DYM: variants seen among roughly 807,000 people sequenced by gnomAD.
DYM encodes the protein dymeclin.
In DYM, 78 loss-of-function variants were observed where a neutral mutation model predicts 93.1. That is an observed-to-expected ratio of 0.84 (90% CI 0.70 to 1.01). The LOEUF is 1.01. Ranked by LOEUF, DYM falls within the 50% of genes least tolerant of loss-of-function variation. The probability of loss-of-function intolerance (pLI) is 0.00; values close to 1 mark genes in which losing one functional copy is unlikely to be tolerated. For synonymous variants in DYM, 321 were observed against 319.7 expected (o/e 1.00, Z -0.04); for missense variants, 789 against 845.0 (o/e 0.93, Z 0.82).
intron 2 of DYM, among the ~76,000 whole-genome samples, chr18:49,428,246 T>C (rs2074480411): frequency 6.6e-6 from 1 of 150,414 alleles, no homozygotes; most frequent in Non-Finnish European, 1.5e-5. Context: ...AGCCCAGGAG[T>C]TCAAGACCAG....
intron 9 of DYM, among the ~76,000 whole-genome samples, chr18:49,285,801 A>G (rs2095109084): frequency 6.6e-6 from 1 of 152,264 alleles, no homozygotes. Flanking sequence ...ATACTGGTTC[A>G]ACATGAAGCC....
intron 6 of DYM, among the ~76,000 whole-genome samples, chr18:49,341,649 G>C (rs946369748): frequency 6.6e-6 from 1 of 152,018 alleles, no homozygotes; most frequent in East Asian, 1.9e-4. Flanking sequence ...CAAGCACATG[G>C]AGTTTCATTC....
chr18:49,214,406 T>G (rs1234687649), intron 13 of DYM, among the ~76,000 whole-genome samples: 1 of 152,170 alleles, frequency 6.6e-6, no homozygotes, highest in Non-Finnish European at 1.5e-5. Flanking sequence ...TGATCTGATC[T>G]GAAGTGGAAC....
At chr18:49,213,598 G>C (rs544935197) in intron 13 of DYM, among the ~76,000 whole-genome samples, 6 of 152,134 alleles carry the variant, frequency 3.9e-5, no homozygotes, top group East Asian at 1.9e-4. Context: ...TTACAGGCAC[G>C]AGCCACAGTG....
intron 17 of DYM, among the ~76,000 whole-genome samples, chr18:49,070,122 A>G (rs775298963): frequency 2.6e-4 from 39 of 152,228 alleles, no homozygotes; most frequent in South Asian, 8.3e-4. Flanking sequence ...TTAATAAAGT[A>G]CAAGACAAGA....
At chr18:49,342,575 A>C (rs926494407) in intron 6 of DYM, among the ~76,000 whole-genome samples, 1 of 152,140 alleles carries the variant, frequency 6.6e-6, no homozygotes, top group African/African-American at 2.4e-5. Context: ...TAAAAATATT[A>C]CTCATTGTTA....
chr18:49,448,271 T>C (rs985750367), intron 1 of DYM, among the ~76,000 whole-genome samples: 9 of 152,176 alleles, frequency 5.9e-5, no homozygotes, highest in Admixed American at 1.3e-4. Context: ...TATTCTGCCT[T>C]CAATTAGAGT....
chr18:49,453,370 C>A (rs969560818), intron 1 of DYM, among the ~76,000 whole-genome samples: 4 of 152,180 alleles, frequency 2.6e-5, no homozygotes, highest in African/African-American at 9.6e-5. Flanking sequence ...GAGCTTTGTT[C>A]TTTCGCTCTT....
At chr18:49,331,400 T>G (rs1274128948) in intron 8 of DYM, among the ~76,000 whole-genome samples, 1 of 152,256 alleles carries the variant, frequency 6.6e-6, no homozygotes, top group African/African-American at 2.4e-5. Context: ...ATTTCACAGC[T>G]TATTACAAAA....
intron 8 of DYM, among the ~76,000 whole-genome samples, chr18:49,319,862 C>T (rs1317409147): frequency 2.0e-5 from 3 of 152,186 alleles, no homozygotes; most frequent in Non-Finnish European, 4.4e-5. Context: ...CTGTGTCCTG[C>T]AGAAGTGAGA....
chr18:49,321,884 T>C (rs902132612), intron 8 of DYM, among the ~76,000 whole-genome samples: 2 of 152,146 alleles, frequency 1.3e-5, no homozygotes, highest in Non-Finnish European at 2.9e-5. Context: ...GTGTTTTAAT[T>C]AGAAATCTGT....
At chr18:49,217,334 G>T (rs1431693393) in intron 13 of DYM, among the ~76,000 whole-genome samples, 1 of 152,164 alleles carries the variant, frequency 6.6e-6, no homozygotes, top group Non-Finnish European at 1.5e-5. Context: ...CACTCTGCAG[G>T]ATATTATCCA....
chr18:49,379,066 T>C (rs1043800205), intron 4 of DYM, among the ~76,000 whole-genome samples: 1 of 152,152 alleles, frequency 6.6e-6, no homozygotes, highest in Non-Finnish European at 1.5e-5. Context: ...TATGCAAATA[T>C]GTAACCAAAA....
intron 8 of DYM, among the ~76,000 whole-genome samples, chr18:49,324,725 C>G (rs180884396): frequency 3.9e-4 from 60 of 152,222 alleles, no homozygotes; most frequent in African/African-American, 1.4e-3. Context: ...AGCTGTTGTT[C>G]TAATTAAATT....
intron 17 of DYM, among the ~76,000 whole-genome samples, chr18:49,052,827 G>A (rs531593842): frequency 6.6e-6 from 1 of 152,252 alleles, no homozygotes; most frequent in Non-Finnish European, 1.5e-5. Flanking sequence ...CAGAGGAGGT[G>A]CCTGGGAAGG....
chr18:49,292,612 A>AACAAAACAAAC (rs1568188932), intron 8 of DYM, among the ~76,000 whole-genome samples: 4 of 100,784 alleles, frequency 4.0e-5, no homozygotes, highest in African/African-American at 1.7e-4. Flanking sequence ...AAAAAAAAAA[A>AACAAAACAAAC]AAAAAAAAAA....
intron 17 of DYM, among the ~76,000 whole-genome samples, chr18:49,054,701 A>G (rs941462238): frequency 6.6e-6 from 1 of 152,210 alleles, no homozygotes; most frequent in African/African-American, 2.4e-5. Flanking sequence ...GGCGACACAG[A>G]GGGACTTGGG....
intron 17 of DYM, among the ~76,000 whole-genome samples, chr18:49,093,882 T>A (rs920601227): frequency 7.9e-5 from 12 of 152,216 alleles, no homozygotes; most frequent in African/African-American, 2.9e-4. Flanking sequence ...TTTTTATATT[T>A]TTCTTTATGC....
intron 15 of DYM, among the ~76,000 whole-genome samples, chr18:49,137,736 A>T (rs915040835): frequency 6.6e-6 from 1 of 152,178 alleles, no homozygotes; most frequent in Non-Finnish European, 1.5e-5. Context: ...CCAAAGTCAG[A>T]GATGTCATGA....
Sources: gnomAD v4.1 joint callset for allele counts (sites outside exome capture counted in the v4.1 genomes callset) on GRCh38, gnomAD v4.1.1 for gene constraint, MANE v1.5 for transcripts, NCBI Gene and HGNC (gene_info 2026-07-23, HGNC 2026-07-21) for gene names.